AOPEP: variants seen among roughly 807,000 people sequenced by gnomAD.
The protein encoded by AOPEP is aminopeptidase O (putative).
AOPEP carries 77 observed loss-of-function variants against 98.1 expected under a neutral mutation model. The ratio of observed to expected loss-of-function variants is 0.78; its 90% CI spans 0.65 to 0.95. The LOEUF is 0.95. AOPEP is among the 40% of genes least tolerant of loss of function. The pLI is 0.00. For missense variants in AOPEP, 1,024 were observed against 1,024.7 expected (o/e 1.00, Z 0.01); for synonymous variants, 346 against 365.3 (o/e 0.95, Z 0.60).
chr9:94,741,849 C>A (rs1833208758), intron 1 of AOPEP, among the ~76,000 whole-genome samples: 1 of 152,152 alleles, frequency 6.6e-6, no homozygotes, highest in Non-Finnish European at 1.5e-5. Flanking sequence ...ACCAACATGT[C>A]ACATTTTGTT....
intron 3 of AOPEP, 84 bp from the exon 4 acceptor site, chr9:94,792,681 T>G: frequency 7.6e-7 from 1 of 1,317,574 alleles, no homozygotes; most frequent in Non-Finnish European, 1.0e-6. Flanking sequence ...ACAAAAGCTC[T>G]TCAAGTGCCT....
chr9:95,014,164 T>C (rs2062792720), intron 13 of AOPEP, among the ~76,000 whole-genome samples: 1 of 152,206 alleles, frequency 6.6e-6, no homozygotes, highest in African/African-American at 2.4e-5. Context: ...CAAAACCTTA[T>C]CTCTACCAAA....
chr9:95,149,966 G>A, the AOPEP span: 3 of 1,612,292 alleles, frequency 1.9e-6, no homozygotes, highest in African/African-American at 1.3e-5. Context: ...TCTGGCTGGA[G>A]GATTTCCTGA....
the AOPEP span, among the ~76,000 whole-genome samples, chr9:95,118,592 C>A: frequency 2.0e-5 from 3 of 152,232 alleles, no homozygotes; most frequent in African/African-American, 7.2e-5. Flanking sequence ...CCCACCCTGG[C>A]AACCAATGTT....
At chr9:95,043,810 G>A (rs1024840236) in intron 13 of AOPEP, among the ~76,000 whole-genome samples, 26 of 152,138 alleles carry the variant, frequency 1.7e-4, no homozygotes, top group African/African-American at 3.6e-4. Context: ...GACTACAGGC[G>A]CATGCCACCA....
intron 12 of AOPEP, 124 bp from the exon 13 acceptor site, chr9:95,005,418 G>T: frequency 9.6e-7 from 1 of 1,043,516 alleles, no homozygotes. Context: ...GGCGGGCGCG[G>T]GTGGCCTCCC....
At chr9:94,849,280 A>C (rs2043234185) in intron 5 of AOPEP, among the ~76,000 whole-genome samples, 1 of 152,220 alleles carries the variant, frequency 6.6e-6, no homozygotes, top group African/African-American at 2.4e-5. Flanking sequence ...TGTTTTACTG[A>C]TAATCCTGAC....
chr9:95,099,030 T>C, the AOPEP span: 1 of 179,954 alleles, frequency 5.6e-6, no homozygotes. Context: ...GAGAGAAGGA[T>C]TGTAATATTT....
chr9:94,799,634 G>A (rs1272733652), intron 4 of AOPEP, among the ~76,000 whole-genome samples: 2 of 152,010 alleles, frequency 1.3e-5, no homozygotes, highest in Admixed American at 6.6e-5. Flanking sequence ...AGGCTGAGGC[G>A]GGTGGATCAC....
At chr9:95,070,793 G>A (rs1269305594) in intron 14 of AOPEP, among the ~76,000 whole-genome samples, 1 of 152,250 alleles carries the variant, frequency 6.6e-6, no homozygotes, top group African/African-American at 2.4e-5. Flanking sequence ...GGCACACTGG[G>A]AGCTGATCTC....
intron 5 of AOPEP, among the ~76,000 whole-genome samples, chr9:94,889,145 C>G (rs530341047): frequency 6.6e-6 from 1 of 152,250 alleles, no homozygotes; most frequent in South Asian, 2.1e-4. Flanking sequence ...AGGTGCCCAC[C>G]ACCACGCCCG....
chr9:94,856,165 T>TA (rs1279878780), intron 5 of AOPEP, among the ~76,000 whole-genome samples: 1 of 152,194 alleles, frequency 6.6e-6, no homozygotes, highest in African/African-American at 2.4e-5. Flanking sequence ...CACGTGTTCA[T>TA]AGACCAGCAT....
chr9:94,758,467 T>G lies in AOPEP; in HGVS notation c.-135-1182T>G, dbSNP rs189419845. ...ATGGGATATTAACCTAGAATGAGAT[T>G]CTAGAAGGAAAGGAAATAAAAGGGT... On this transcript the variant is annotated intron_variant, in intron 1 of 16. Transcript: ENST00000375315. Among the ~76,000 whole-genome samples, 28 of 152,168 alleles carry G rather than the reference T, an allele frequency of 1.8e-4. No homozygotes were observed. The South Asian group carries it at 4.4e-3, about 24-fold the overall frequency.
At chr9:95,029,752 T>A (rs979525023) in intron 13 of AOPEP, among the ~76,000 whole-genome samples, 1 of 151,770 alleles carries the variant, frequency 6.6e-6, no homozygotes, top group Non-Finnish European at 1.5e-5. Flanking sequence ...GGGAAGGAGG[T>A]TGAAATTCAT....
intron 9 of AOPEP, among the ~76,000 whole-genome samples, chr9:94,967,245 G>T (rs988295395): frequency 1.3e-5 from 2 of 152,212 alleles, no homozygotes; most frequent in African/African-American, 4.8e-5. Flanking sequence ...AGAGGCTACA[G>T]ATGGAGGCAG....
the AOPEP span, among the ~76,000 whole-genome samples, chr9:95,140,648 T>C: frequency 6.6e-6 from 1 of 152,144 alleles, no homozygotes; most frequent in Non-Finnish European, 1.5e-5. Context: ...CAGTCCACCT[T>C]TTCAAACCAG....
chr9:94,971,283 C>T (rs148873037), intron 10 of AOPEP, among the ~76,000 whole-genome samples: 3 of 152,208 alleles, frequency 2.0e-5, no homozygotes, highest in Non-Finnish European at 2.9e-5. Context: ...CGGTTAGGAT[C>T]GTGTTTTGTC....
At chr9:94,905,410 A>G (rs2050991417) in intron 5 of AOPEP, among the ~76,000 whole-genome samples, 1 of 152,230 alleles carries the variant, frequency 6.6e-6, no homozygotes, top group Admixed American at 6.5e-5. Flanking sequence ...GCATTAAATA[A>G]CTGTTCCACG....
the AOPEP span, chr9:95,114,341 T>C: frequency 4.7e-6 from 2 of 429,906 alleles, no homozygotes; most frequent in Non-Finnish European, 8.7e-6. Flanking sequence ...TTCTTTTTAT[T>C]GTTATGCCTG....
Sources: allele counts gnomAD v4.1 joint callset (sites outside exome capture counted in the v4.1 genomes callset), GRCh38; gene constraint gnomAD v4.1.1; transcripts MANE v1.5; gene names NCBI Gene and HGNC (gene_info 2026-07-23, HGNC 2026-07-21).